The following ATAD3B variants were observed in gnomAD, a reference collection of about 807,000 sequenced individuals.
The protein encoded by ATAD3B is ATPase family AAA domain-containing protein 3B.
A neutral mutation model predicts 70.2 loss-of-function variants in ATAD3B; 59 were observed. The ratio of observed to expected loss-of-function variants is 0.84; its 90% CI spans 0.68 to 1.04. The LOEUF (loss-of-function observed/expected upper bound fraction) is 1.04, where lower values mean the gene tolerates loss of function less well. Among genes scored for constraint, ATAD3B ranks in the 50% least tolerant of loss-of-function variants. The pLI, the probability that ATAD3B is intolerant of heterozygous loss-of-function variation, is 0.00. For synonymous variants in ATAD3B, 423 were observed against 388.6 expected (o/e 1.09, Z -1.04); for missense variants, 961 against 913.4 (o/e 1.05, Z -0.67).
At chr1:1,501,917 C>G (rs183473129), downstream of ATAD3B, among the ~76,000 whole-genome samples, 1 of 151,874 alleles carries the variant, frequency 6.6e-6, no homozygotes, top group South Asian at 2.1e-4. Context: ...TCTCACTCGT[C>G]GCCGAGGCTG....
intron 5 of ATAD3B, among the ~76,000 whole-genome samples, chr1:1,481,750 C>T (rs1325275752): frequency 6.6e-6 from 1 of 151,166 alleles, no homozygotes; most frequent in Non-Finnish European, 1.5e-5. Flanking sequence ...GAGAAGTTGC[C>T]TAGGCCTCTG....
At chr1:1,506,049 A>G in the ATAD3B span, among the ~76,000 whole-genome samples, 1 of 152,024 alleles carries the variant, frequency 6.6e-6, no homozygotes, top group Non-Finnish European at 1.5e-5. Context: ...CCTGGCCTAA[A>G]TGGTGAAACG....
intron 12 of ATAD3B, among the ~76,000 whole-genome samples, chr1:1,488,371 G>A (rs1308867334): frequency 6.6e-6 from 1 of 151,878 alleles, no homozygotes; most frequent in Non-Finnish European, 1.5e-5. Context: ...GATTGCAGAG[G>A]CACACTAACA....
At chr1:1,504,666 A>AAAGAG in the ATAD3B span, among the ~76,000 whole-genome samples, 44 of 151,432 alleles carry the variant, frequency 2.9e-4, no homozygotes, top group African/African-American at 1.0e-3. Context: ...CAAAAAAAAA[A>AAAGAG]AGAGAGAACA....
In ATAD3B at chr1:1,495,465, G is replaced by A; in HGVS notation, c.1615-20G>A. On this transcript the variant is annotated intron_variant, in intron 15 of 15. Transcript: ENST00000673477. ...CGGGTTCCCATAGCGGCCTCCCTCA[G>A]CTCCCTCTCTCTTCACTAGGCCACG... 1 of 1,581,724 alleles carries A rather than the reference G, an allele frequency of 6.3e-7. No homozygotes were observed.
In ATAD3B at chr1:1,485,029, C is replaced by G; in HGVS notation, c.764C>G (p.Thr255Arg). Residue 255 changes from threonine to arginine, a missense_variant, in exon 8 of 16, where the codon ACG (threonine) becomes AGG (arginine). Around this residue, in one of 4 missense-constraint regions of ATAD3B, gnomAD observed 349 missense variants for 307.5 expected, o/e 1.14. Transcript: ENST00000673477. ...DKVTATVAGL[T>R]LLAVGVYSAK... Reference sequence around the variant, plus strand: ...TCTCTGCTGCAGGTGGCTGGGCTGACGCTGCTGGCTGTCGGGGTCTACTCA... The same window carrying G: ...TCTCTGCTGCAGGTGGCTGGGCTGAGGCTGCTGGCTGTCGGGGTCTACTCA... 1.2e-6 allele frequency: 2 copies of G among 1,602,776 alleles called. No homozygotes were observed. The highest frequency in any genetic ancestry group is 8.5e-7 in the Non-Finnish European group (1 of 1,176,132).
At chr1:1,507,728 A>G in the ATAD3B span, among the ~76,000 whole-genome samples, 1 of 152,138 alleles carries the variant, frequency 6.6e-6, no homozygotes, top group African/African-American at 2.4e-5. Flanking sequence ...ATGTTCTTCA[A>G]TTTGTCCAGG....
chr1:1,478,701 G>A lies in ATAD3B; in HGVS notation c.340G>A (p.Glu114Lys), dbSNP rs772242963. The change falls in exon 3 of 16, where the codon GAG (glutamate) becomes AAG (lysine). Residue 114 changes from glutamate (E) to lysine (K), a missense_variant. Transcript: ENST00000673477. ...KSEQIRAQAEERRKTLSEETR... is the reference protein window; with the variant it reads ...KSEQIRAQAEKRRKTLSEETR... ...CGAGCAGATCCGGGCGCAGGCTGAG[G>A]AGAGGAGGAAGACCCTGAGCGAGGA... 3.6e-5 allele frequency: 55 copies of A among 1,538,400 alleles called. No individual in the cohort carries two copies. Among genetic ancestry groups the A allele is most frequent in the Non-Finnish European group, 4.6e-5 (53 of 1,141,628 alleles).
rs1329690432 is a variant in ATAD3B, at chr1:1,497,580, G to T, written c.*1763G>T. On this transcript the variant is annotated 3_prime_UTR_variant, in exon 16 of 16. Transcript: ENST00000673477. ...ATACTTTGTATTTAAAATTAAGCCA[G>T]GTTAGACTGGGCTAGGTGGCTCACG... 1 of 151,498 alleles carries T rather than the reference G, an allele frequency of 6.6e-6. No individual in the cohort carries two copies. Among genetic ancestry groups the T allele is most frequent in the Non-Finnish European group, 1.5e-5 (1 of 67,984 alleles). The allele number at this position is 151,498 out of a possible 1,614,324, so 9.4% of individuals were successfully genotyped here. A position where few individuals can be genotyped will look rare whatever the true frequency, so the allele number is the denominator to read the frequency against.
downstream of ATAD3B, among the ~76,000 whole-genome samples, chr1:1,501,496 C>T (rs1470238454): frequency 6.6e-6 from 1 of 152,120 alleles, no homozygotes; most frequent in South Asian, 2.1e-4. Context: ...ACTTCGTGAT[C>T]CGCCCGCCTC....
intron 7 of ATAD3B, chr1:1,484,784 C>A: frequency 5.8e-6 from 7 of 1,210,476 alleles, no homozygotes; most frequent in Non-Finnish European, 7.8e-6. Flanking sequence ...ATTTATGCTG[C>A]CAGTTGCAGA....
downstream of ATAD3B, chr1:1,497,960 G>C (rs1225415581): frequency 2.0e-5 from 3 of 151,106 alleles, no homozygotes; most frequent in Admixed American, 2.0e-4. Context: ...GAGCTCATGA[G>C]TTTGAGAACA....
At chr1:1,479,828 C>G (rs533823791) in intron 4 of ATAD3B, among the ~76,000 whole-genome samples, 1 of 141,998 alleles carries the variant, frequency 7.0e-6, no homozygotes, top group Non-Finnish European at 1.5e-5. Context: ...ACACATACCC[C>G]TTCACACAGG....
At chr1:1,476,294 G>A (rs1244127567) in intron 1 of ATAD3B, among the ~76,000 whole-genome samples, 1 of 148,210 alleles carries the variant, frequency 6.7e-6, no homozygotes, top group Non-Finnish European at 1.5e-5. Context: ...AATGCAACGA[G>A]TGCTCCCCAC....
In ATAD3B at chr1:1,473,643, G is replaced by A. The variant is rs911978390; in HGVS notation, c.205+1554G>A. Among the ~76,000 whole-genome samples, 5 of 148,918 alleles carry A rather than the reference G, an allele frequency of 3.4e-5. No individual in the cohort carries two copies. The South Asian group carries it at 6.5e-4, about 19-fold the overall frequency. On this transcript the variant is annotated intron_variant, in intron 1 of 15. Coordinates refer to ENST00000673477, the MANE Select transcript of ATAD3B (RefSeq NM_031921.6). ...CCCAAGTAGCTGGGATTACAGGCAC[G>A]CGCCACCACGCCCAGCTAATTTTTG...
chr1:1,483,139 A>G (rs967070907), intron 7 of ATAD3B: 8 of 405,846 alleles, frequency 2.0e-5, no homozygotes, highest in Non-Finnish European at 3.4e-5. Context: ...AAAAAAAGAA[A>G]AAAAAAGAAA....
At chr1:1,489,299 GC>G in intron 13 of ATAD3B, 25 bp downstream of exon 13, 2 of 1,613,134 alleles carry the variant, frequency 1.2e-6, no homozygotes, top group Non-Finnish European at 1.7e-6. Flanking sequence ...CGGGTCCTGA[GC>G]CCCCGGGCAG....
chr1:1,474,397 A>C (rs1451942929), intron 1 of ATAD3B, among the ~76,000 whole-genome samples: 3 of 149,946 alleles, frequency 2.0e-5, no homozygotes, highest in African/African-American at 4.9e-5. Context: ...TCACCATGTT[A>C]GCCAGAATGG....
At chr1:1,509,362 A>C in the ATAD3B span, 2 of 1,608,780 alleles carry the variant, frequency 1.2e-6, no homozygotes, top group Non-Finnish European at 1.7e-6. Context: ...GTCCATGGGG[A>C]GACCACACCT....
Sources: allele counts gnomAD v4.1 joint callset (sites outside exome capture counted in the v4.1 genomes callset), GRCh38; gene constraint gnomAD v4.1.1; regional missense constraint gnomAD v4.1.1; transcripts MANE v1.5; gene names NCBI Gene and HGNC (gene_info 2026-07-23, HGNC 2026-07-21).